The following DNAJC1 variants were observed in gnomAD, a reference collection of about 807,000 sequenced individuals.
DNAJC1 encodes the protein DnaJ heat shock protein family (Hsp40) member C1.
DNAJC1 carries 58 observed loss-of-function variants against 76.6 expected under a neutral mutation model. The ratio of observed to expected loss-of-function variants is 0.76; its 90% CI spans 0.61 to 0.94. The LOEUF is 0.94. Among genes scored for constraint, DNAJC1 ranks in the 40% least tolerant of loss-of-function variants. The probability of loss-of-function intolerance (pLI) is 0.00; values close to 1 mark genes in which losing one functional copy is unlikely to be tolerated. For synonymous variants in DNAJC1, 258 were observed against 267.9 expected (o/e 0.96, Z 0.36); for missense variants, 689 against 677.3 (o/e 1.02, Z -0.19).
intron 8 of DNAJC1, among the ~76,000 whole-genome samples, chr10:21,875,099 T>A (rs1836164262): frequency 6.6e-6 from 1 of 152,176 alleles, no homozygotes. Flanking sequence ...CAGGCTGGTC[T>A]TGAACTCCTG....
intron 6 of DNAJC1, among the ~76,000 whole-genome samples, chr10:21,909,271 A>G (rs1474521601): frequency 6.6e-6 from 1 of 152,252 alleles, no homozygotes; most frequent in Non-Finnish European, 1.5e-5. Flanking sequence ...AACTATGGCT[A>G]ACTTAAATAA....
chr10:21,835,076 C>G (rs1409790394), intron 8 of DNAJC1, among the ~76,000 whole-genome samples: 1 of 152,136 alleles, frequency 6.6e-6, no homozygotes, highest in African/African-American at 2.4e-5. Context: ...GAGGCACCCC[C>G]CAGTAGGGGC....
intron 3 of DNAJC1, among the ~76,000 whole-genome samples, chr10:21,924,881 C>T (rs1316956177): frequency 2.0e-5 from 3 of 152,166 alleles, no homozygotes; most frequent in African/African-American, 4.8e-5. Flanking sequence ...CTGTACTGAA[C>T]ACTGTAGGCA....
intron 8 of DNAJC1, among the ~76,000 whole-genome samples, chr10:21,868,691 G>T (rs932285118): frequency 6.6e-6 from 1 of 151,960 alleles, no homozygotes; most frequent in South Asian, 2.1e-4. Flanking sequence ...AGGAGGGTGA[G>T]TAGGGGATAG....
chr10:21,998,283 G>A (rs751184465), intron 1 of DNAJC1, among the ~76,000 whole-genome samples: 20 of 151,520 alleles, frequency 1.3e-4, no homozygotes, highest in Non-Finnish European at 2.1e-4. Flanking sequence ...CCAGCTACTC[G>A]GGAGGCTGAG....
At chr10:21,876,101 T>C (rs945458952) in intron 8 of DNAJC1, among the ~76,000 whole-genome samples, 3 of 152,012 alleles carry the variant, frequency 2.0e-5, no homozygotes, top group Admixed American at 6.6e-5. Context: ...CAACACATTA[T>C]TGAAAAAACG....
chr10:21,972,384 TA>T (rs1475652664), intron 1 of DNAJC1, among the ~76,000 whole-genome samples: 4 of 151,998 alleles, frequency 2.6e-5, no homozygotes, highest in Non-Finnish European at 4.4e-5. Flanking sequence ...AATTCATAGT[TA>T]AAGCTTTAAG....
At chr10:21,829,764 T>C (rs1285825844) in intron 8 of DNAJC1, among the ~76,000 whole-genome samples, 2 of 152,264 alleles carry the variant, frequency 1.3e-5, no homozygotes, top group Non-Finnish European at 2.9e-5. Flanking sequence ...ATTTAACTGG[T>C]AATTATAGCC....
intron 4 of DNAJC1, 22 bp from the exon 5 acceptor site, chr10:21,919,951 G>C (rs766560844): frequency 1.8e-5 from 27 of 1,467,796 alleles, no homozygotes; most frequent in Non-Finnish European, 2.5e-5. Context: ...AAGAATTATG[G>C]TTACAGGTTA....
At chr10:21,778,739 A>G (rs1248638346) in intron 9 of DNAJC1, among the ~76,000 whole-genome samples, 1 of 152,102 alleles carries the variant, frequency 6.6e-6, no homozygotes, top group East Asian at 2.0e-4. Flanking sequence ...GGCTTGTCAG[A>G]CAGTGGGTGC....
In DNAJC1 at chr10:21,793,313, G is replaced by C. The variant is rs549798027; in HGVS notation, c.1098+12667C>G. 4.0e-3 allele frequency among the ~76,000 whole-genome samples: 605 copies of C among 152,146 alleles called. 8 individuals are homozygous for C. The highest frequency in any genetic ancestry group is 0.014 in the African/African-American group (576 of 41,504). On this transcript the variant is annotated intron_variant, in intron 9 of 11. Coordinates refer to ENST00000376980, the MANE Select transcript of DNAJC1 (RefSeq NM_022365.4). Reference sequence around the variant, plus strand: ...TGGGCGCTCCATCTCAGGGGTTGGGGGGCCGGGAAAGAAAAGCATCTATGA... The same window carrying C: ...TGGGCGCTCCATCTCAGGGGTTGGGCGGCCGGGAAAGAAAAGCATCTATGA...
At chr10:21,806,980 T>C (rs1279873721) in intron 8 of DNAJC1, among the ~76,000 whole-genome samples, 1 of 152,142 alleles carries the variant, frequency 6.6e-6, no homozygotes, top group Non-Finnish European at 1.5e-5. Flanking sequence ...AATAAATTAT[T>C]ATCAAACAAC....
chr10:21,995,518 C>T (rs1359828901), intron 1 of DNAJC1, among the ~76,000 whole-genome samples: 5 of 152,208 alleles, frequency 3.3e-5, no homozygotes, highest in South Asian at 2.1e-4. Context: ...TCCATTTTAA[C>T]ACTGCTGCAT....
At chr10:21,805,873 T>C in intron 9 of DNAJC1, 107 bp downstream of exon 9, 1 of 1,453,016 alleles carries the variant, frequency 6.9e-7, no homozygotes, top group Non-Finnish European at 9.5e-7. Flanking sequence ...AAAGGATTGT[T>C]GTATCCCCTC....
chr10:21,795,382 A>G lies in DNAJC1; in HGVS notation c.1098+10598T>C, dbSNP rs561595838. Among the ~76,000 whole-genome samples the G allele has an allele frequency of 3.9e-5, 6 of 152,358 alleles. No homozygotes were observed. In the East Asian group the frequency reaches 9.6e-4, roughly 24 times the overall value. On this transcript the variant is annotated intron_variant, in intron 9 of 11. Coordinates refer to ENST00000376980, the MANE Select transcript of DNAJC1 (RefSeq NM_022365.4). ...TACCTTTCGCCAAGTGAAAGCAGCC[A>G]TATGTGAAAGACTAAATACTGTTAA...
At chr10:21,816,423 A>G (rs1301214315) in intron 8 of DNAJC1, among the ~76,000 whole-genome samples, 1 of 150,460 alleles carries the variant, frequency 6.6e-6, no homozygotes, top group Non-Finnish European at 1.5e-5. Flanking sequence ...AAATCAATTG[A>G]CCAGCTGGGT....
intron 8 of DNAJC1, among the ~76,000 whole-genome samples, chr10:21,819,624 T>A (rs1328712083): frequency 3.9e-5 from 6 of 152,132 alleles, no homozygotes; most frequent in African/African-American, 1.4e-4. Context: ...AATTTTTTTA[T>A]TGAGATCTAA....
intron 9 of DNAJC1, among the ~76,000 whole-genome samples, chr10:21,793,859 G>A (rs1834721561): frequency 6.6e-6 from 1 of 152,086 alleles, no homozygotes; most frequent in African/African-American, 2.4e-5. Flanking sequence ...AGGCTGAAGT[G>A]GGCAGATTGC....
intron 8 of DNAJC1, among the ~76,000 whole-genome samples, chr10:21,879,572 C>T (rs1177872004): frequency 5.3e-5 from 8 of 151,982 alleles, no homozygotes; most frequent in African/African-American, 1.9e-4. Context: ...TGCAGTGAGC[C>T]GAGATCATGC....
Sources: allele counts gnomAD v4.1 joint callset (sites outside exome capture counted in the v4.1 genomes callset), GRCh38; gene constraint gnomAD v4.1.1; transcripts MANE v1.5; gene names NCBI Gene and HGNC (gene_info 2026-07-23, HGNC 2026-07-21).